The following FGFR1 variants were observed in gnomAD, a reference collection of about 807,000 sequenced individuals.
FGFR1 encodes the protein fibroblast growth factor receptor 1.
In FGFR1, 18 loss-of-function variants were observed where a neutral mutation model predicts 93.7. The ratio of observed to expected loss-of-function variants is 0.19; its 90% CI spans 0.13 to 0.28. The LOEUF (loss-of-function observed/expected upper bound fraction) is 0.28, where lower values mean the gene tolerates loss of function less well. FGFR1 is among the 10% of genes least tolerant of loss of function. The pLI is 1.00. For missense variants in FGFR1, 731 were observed against 1,080.4 expected, an observed-to-expected ratio of 0.68 and a Z score of 4.53; for synonymous variants, 448 against 429.3, an observed-to-expected ratio of 1.04 and a Z score of -0.54.
intron 2 of FGFR1, chr8:38,435,458 CAGG>C (rs1275252342): frequency 2.0e-5 from 3 of 152,322 alleles, no homozygotes; most frequent in South Asian, 4.1e-4. Flanking sequence ...CACTTTCTTA[CAGG>C]AGATGAAACC....
intron 4 of FGFR1, 111 bp downstream of exon 4, chr8:38,428,235 A>G: frequency 6.8e-7 from 1 of 1,461,852 alleles, no homozygotes; most frequent in South Asian, 1.1e-5. Flanking sequence ...TTAGCAGAAC[A>G]GGCACCGTGA....
At position 38,424,914 on chromosome 8, in the gene FGFR1, C is replaced by T. The variant is rs1820189080; in HGVS notation, c.746-215G>A. Reference sequence around the variant, plus strand: ...GGATCCTCCTCCCCAAGGCAGTCATCATATTTACAGTCACAGTAAGTCGCT... The same window carrying T: ...GGATCCTCCTCCCCAAGGCAGTCATTATATTTACAGTCACAGTAAGTCGCT... On this transcript the variant is annotated intron_variant, in intron 6 of 17. Transcript: ENST00000447712. This position sits in a 1 kb window ranked among gnomAD's most constrained non-coding sequence, Gnocchi z 4.3. Among the ~76,000 whole-genome samples, 1 of 152,212 alleles carries T rather than the reference C, an allele frequency of 6.6e-6. No individual in the cohort carries two copies. Among genetic ancestry groups the T allele is most frequent in the Non-Finnish European group, 1.5e-5 (1 of 68,038 alleles).
chr8:38,466,709 G>C (rs1835594891), intron 1 of FGFR1: 2 of 220,654 alleles, frequency 9.1e-6, no homozygotes, highest in African/African-American at 4.5e-5. Flanking sequence ...GGAGGGGGAG[G>C]GGAGGAAGAG....
rs1438261657 is a variant in FGFR1, at chr8:38,452,478, T to C, written c.91+4878A>G. Among the ~76,000 whole-genome samples the C allele has an allele frequency of 9.9e-5, 15 of 152,006 alleles. 1 individual carries two copies. Among genetic ancestry groups the C allele is most frequent in the Admixed American group, 9.8e-4 (15 of 15,264 alleles). On this transcript the variant is annotated intron_variant, in intron 2 of 17. Transcript: ENST00000447712. ...AAGCAACTCTCAAGCAATTCTCCCA[T>C]CTCAGCCTCCTGAATAGCTAGGACT... is the stretch of plus-strand genomic sequence containing the variant.
chr8:38,429,748 G>C lies in FGFR1; in HGVS notation c.292C>G (p.Leu98Val), dbSNP rs1203704169. 1 of 1,594,532 alleles carries C rather than the reference G, an allele frequency of 6.3e-7. No individual in the cohort carries two copies. Among genetic ancestry groups the C allele is most frequent in the African/African-American group, 1.3e-5 (1 of 74,608 alleles). ...VQDSVPADSGLYACVTSSPSG... is the reference protein window; with the variant it reads ...VQDSVPADSGVYACVTSSPSG... Reference sequence around the variant, plus strand: ...GGGCTGCTGGTTACGCAAGCATAGAGGCCGGAGTCTGCGGGCACGGAGTCC... The same window carrying C: ...GGGCTGCTGGTTACGCAAGCATAGACGCCGGAGTCTGCGGGCACGGAGTCC... Residue 98 changes from leucine (L) to valine (V), a missense_variant, in exon 3 of 18, where the codon CTC becomes GTC. Physicochemically the swap from Leu to Val is conservative, Grantham distance 32. Around this residue, in one of 10 missense-constraint regions of FGFR1, gnomAD observed 212 missense variants for 205.8 expected, o/e 1.03. Coordinates refer to ENST00000447712, the MANE Select transcript of FGFR1 (RefSeq NM_023110.3). The surrounding 1 kb of genome is among the most constrained non-coding windows in gnomAD (Gnocchi z 4.4).
In FGFR1 at chr8:38,417,313, C is replaced by G. The variant is rs577428257; in HGVS notation, c.1656G>C (p.Thr552=). The G allele has an allele frequency of 6.2e-7, 1 of 1,612,026 alleles. No individual in the cohort carries two copies. Among genetic ancestry groups the G allele is most frequent in the Non-Finnish European group, 8.5e-7 (1 of 1,178,992 alleles). The change falls in exon 12 of 18, where the codon ACG becomes ACC. Residue 552 remains threonine, a synonymous_variant. Transcript: ENST00000447712. The part of the protein sequence containing the change: ...KNIINLLGAC[T]QDGPLYVIVE... ...AGTCTGGCCGGCACCCACCATCCTGCGTGCAGGCCCCCAGCAGGTTGATGA... is the reference window on the plus strand; with the variant it reads ...AGTCTGGCCGGCACCCACCATCCTGGGTGCAGGCCCCCAGCAGGTTGATGA...
Position 38,429,859 on chromosome 8 carries a change from C to T in FGFR1, c.181G>A (p.Val61Met), listed in dbSNP as rs762089291. 4.2e-5 allele frequency: 67 copies of T among 1,613,934 alleles called. No individual in the cohort carries two copies. Among genetic ancestry groups the T allele is most frequent in the Non-Finnish European group, 5.3e-5 (63 of 1,180,008 alleles). The stretch of plus-strand genomic sequence containing the variant: ...TCCCGCAGCCAGTTGATGCTCTGCA[C>T]ATCGTCCCGCAGCCGACAGCGAAGC... ...LQLRCRLRDD[V>M]QSINWLRDGV... is the part of the protein sequence containing the mutation. Residue 61 changes from valine (V) to methionine (M), a missense_variant, in exon 3 of 18, where the codon GTG becomes ATG. This residue lies in a region of FGFR1 where 212 missense variants were observed against 205.8 expected (regional missense o/e 1.03). Transcript: ENST00000447712. The surrounding 1 kb of genome is among the most constrained non-coding windows in gnomAD (Gnocchi z 4.4).
chr8:38,420,699 C>A (rs1377812350), intron 8 of FGFR1, among the ~76,000 whole-genome samples: 1 of 152,084 alleles, frequency 6.6e-6, no homozygotes. Flanking sequence ...CCTCCTTCCA[C>A]AGGCCTCCTC....
At chr8:38,440,451 G>T in intron 2 of FGFR1, 1 of 1,199,500 alleles carries the variant, frequency 8.3e-7, no homozygotes, top group Non-Finnish European at 1.2e-6. Context: ...AAGGAGAGCT[G>T]CAAAAATGGG....
intron 15 of FGFR1, 31 bp downstream of exon 15, chr8:38,414,528 A>G (rs1815598728): frequency 6.2e-7 from 1 of 1,612,136 alleles, no homozygotes; most frequent in South Asian, 1.1e-5. Context: ...TCTATCCCAC[A>G]CCTCCCTGGC....
chr8:38,433,703 T>C (rs1401473652), intron 2 of FGFR1, among the ~76,000 whole-genome samples: 1 of 152,242 alleles, frequency 6.6e-6, no homozygotes. Context: ...TGTAAAACAG[T>C]TACCGCCTGA....
intron 1 of FGFR1, chr8:38,461,038 G>A (rs2151423980): frequency 3.3e-6 from 5 of 1,532,060 alleles, no homozygotes; most frequent in Non-Finnish European, 4.4e-6. Context: ...CCTCGGTGGG[G>A]AGCAGAGAGG....
intron 2 of FGFR1, among the ~76,000 whole-genome samples, chr8:38,442,401 G>A (rs1285076116): frequency 1.3e-5 from 2 of 151,654 alleles, no homozygotes; most frequent in African/African-American, 4.8e-5. Context: ...GTGTGCAGGG[G>A]TCCCACTGCT....
At chr8:38,460,841 T>C (rs1834230252) in intron 1 of FGFR1, among the ~76,000 whole-genome samples, 1 of 152,186 alleles carries the variant, frequency 6.6e-6, no homozygotes, top group Non-Finnish European at 1.5e-5. Context: ...TTTCTCATTC[T>C]ACTAATTAAT....
Position 38,428,110 on chromosome 8 carries a change from A to G in FGFR1, c.449-17T>C. 8 of 1,613,868 alleles carry G rather than the reference A, an allele frequency of 5.0e-6. No homozygotes were observed. The highest frequency in any genetic ancestry group is 6.8e-6 in the Non-Finnish European group (8 of 1,180,044). On this transcript the variant is annotated splice_polypyrimidine_tract_variant and intron_variant, in intron 4 of 17. Transcript: ENST00000447712. ...GAGCTACGGCTGCCCGGGGAAAGCCAAGAGAGACAGGCAGGGTGGAGAGGA... is the reference window on the plus strand; with the variant it reads ...GAGCTACGGCTGCCCGGGGAAAGCCGAGAGAGACAGGCAGGGTGGAGAGGA...
intron 2 of FGFR1, among the ~76,000 whole-genome samples, chr8:38,449,156 T>A (rs11998146): frequency 5.7e-4 from 86 of 151,868 alleles, no homozygotes; most frequent in African/African-American, 2.0e-3. Context: ...GGTAATTAAT[T>A]TGGAGATAGG....
Position 38,413,811 on chromosome 8 carries a change from T to C in FGFR1, c.2293-7A>G, listed in dbSNP as rs1219906582. 6.2e-7 allele frequency: 1 copy of C among 1,613,906 alleles called. No individual in the cohort carries two copies. The highest frequency in any genetic ancestry group is 1.1e-5 in the South Asian group (1 of 91,078). On this transcript the variant is annotated splice_polypyrimidine_tract_variant and splice_region_variant and intron_variant, in intron 17 of 17. Coordinates refer to ENST00000447712, the MANE Select transcript of FGFR1 (RefSeq NM_023110.3). The surrounding 1 kb of genome is among the most constrained non-coding windows in gnomAD (Gnocchi z 4.2). ...TGGACAGGTCCAGGTACTCCTGTGA[T>C]GGGCGAGAGGAAGCAGCGATGGGCC...
intron 11 of FGFR1, 79 bp from the exon 12 acceptor site, chr8:38,417,495 C>G (rs769888428): frequency 8.3e-7 from 1 of 1,205,102 alleles, no homozygotes; most frequent in African/African-American, 1.5e-5. Context: ...GGGTATGTGT[C>G]GAGGGGCTGC....
chr8:38,419,264 G>A (rs752082129), intron 9 of FGFR1, among the ~76,000 whole-genome samples: 6 of 151,824 alleles, frequency 4.0e-5, no homozygotes, highest in Non-Finnish European at 8.8e-5. Context: ...GCTATTGGCT[G>A]CACATTCTGT....
Sources: gnomAD v4.1 joint callset for allele counts (sites outside exome capture counted in the v4.1 genomes callset) on GRCh38, gnomAD v4.1.1 for gene constraint, gnomAD v4.1.1 regional missense constraint, Gnocchi (gnomAD v3.1) non-coding constraint, MANE v1.5 for transcripts, NCBI Gene and HGNC (gene_info 2026-07-23, HGNC 2026-07-21) for gene names.